PRICKLE1: variants seen among roughly 807,000 people sequenced by gnomAD.
PRICKLE1 encodes the protein prickle-like protein 1.
A neutral mutation model predicts 70.2 loss-of-function variants in PRICKLE1; 14 were observed. The observed-to-expected ratio is 0.20, with a 90% CI of 0.13 to 0.31. PRICKLE1 has a LOEUF of 0.31. Among genes scored for constraint, PRICKLE1 ranks in the 10% least tolerant of loss-of-function variants. PRICKLE1 has a pLI of 1.00. For missense variants in PRICKLE1, 821 were observed against 1,026.2 expected (o/e 0.80, Z 2.73); for synonymous variants, 357 against 379.9 (o/e 0.94, Z 0.70).
intron 1 of PRICKLE1, among the ~76,000 whole-genome samples, chr12:42,477,020 C>T (rs897742125): frequency 9.9e-5 from 15 of 152,070 alleles, no homozygotes; most frequent in South Asian, 2.1e-4. Context: ...GTATATCAGT[C>T]GGGTAAAGCA....
intron 1 of PRICKLE1, among the ~76,000 whole-genome samples, chr12:42,576,851 T>C (rs1299443898): frequency 6.6e-6 from 1 of 152,210 alleles, no homozygotes; most frequent in Non-Finnish European, 1.5e-5. Context: ...ATTACAATGC[T>C]ACTAAAAGGA....
chr12:42,469,993 T>C (rs993119400), intron 3 of PRICKLE1: 12 of 515,112 alleles, frequency 2.3e-5, no homozygotes, highest in Non-Finnish European at 4.2e-5. Context: ...TCTCAGGAAT[T>C]TGTAGGTTCC....
chr12:42,588,935 G>A (rs1289860593), intron 1 of PRICKLE1, among the ~76,000 whole-genome samples: 1 of 152,134 alleles, frequency 6.6e-6, no homozygotes, highest in Non-Finnish European at 1.5e-5. Flanking sequence ...CTATATCTGT[G>A]CTACATTCAG....
intron 1 of PRICKLE1, among the ~76,000 whole-genome samples, chr12:42,534,741 C>T (rs907060265): frequency 4.6e-5 from 7 of 152,054 alleles, no homozygotes; most frequent in Admixed American, 4.6e-4. Flanking sequence ...TCATTACCCC[C>T]ACAATGGTGG....
At chr12:42,587,409 A>G (rs1941001933) in intron 1 of PRICKLE1, among the ~76,000 whole-genome samples, 1 of 151,974 alleles carries the variant, frequency 6.6e-6, no homozygotes, top group Admixed American at 6.6e-5. Flanking sequence ...TACATTAGCC[A>G]TGACTTATTA....
chr12:42,458,440 T>G lies in PRICKLE1; in HGVS notation c.*1369A>C, dbSNP rs1937656984. 1 of 152,258 alleles carries G rather than the reference T, an allele frequency of 6.6e-6. No individual in the cohort carries two copies. Among genetic ancestry groups the G allele is most frequent in the Admixed American group, 6.5e-5 (1 of 15,288 alleles). The allele number at this position is 152,258 out of a possible 1,614,324, so 9.4% of individuals were successfully genotyped here. A position where few individuals can be genotyped will look rare whatever the true frequency, so the allele number is the denominator to read the frequency against. ...CCTTTAGTTAGGACTGAGATGTATA[T>G]GCAAGAGTGGCACATATCAAAATAT... On this transcript the variant is annotated 3_prime_UTR_variant, in exon 8 of 8. Coordinates refer to ENST00000345127, the MANE Select transcript of PRICKLE1 (RefSeq NM_153026.3).
chr12:42,578,364 T>G (rs930150062), intron 1 of PRICKLE1, among the ~76,000 whole-genome samples: 4 of 152,146 alleles, frequency 2.6e-5, no homozygotes, highest in African/African-American at 9.7e-5. Flanking sequence ...CACAAGCCTC[T>G]CTGAAGATTC....
chr12:42,586,504 C>A (rs897836056), intron 1 of PRICKLE1, among the ~76,000 whole-genome samples: 1 of 151,964 alleles, frequency 6.6e-6, no homozygotes, highest in Non-Finnish European at 1.5e-5. Flanking sequence ...CCAAGCACCA[C>A]TACATGTAGC....
chr12:42,560,354 G>A (rs934272509), intron 1 of PRICKLE1, among the ~76,000 whole-genome samples: 1 of 151,734 alleles, frequency 6.6e-6, no homozygotes, highest in Admixed American at 6.6e-5. Flanking sequence ...GGCTGGTCTC[G>A]AACTCCTGAC....
chr12:42,498,739 C>A (rs1392814831), intron 1 of PRICKLE1, among the ~76,000 whole-genome samples: 1 of 152,250 alleles, frequency 6.6e-6, no homozygotes, highest in African/African-American at 2.4e-5. Context: ...AGCTCTGTCT[C>A]CATCATTAGT....
chr12:42,589,693 G>T lies in PRICKLE1; in HGVS notation c.-277C>A. Reference sequence around the variant, plus strand: ...GCTGGCATGTTCCGGGCGCGCTGTCGGGCGGCGGCGGCCGCGGGAGACGGC... The same window carrying T: ...GCTGGCATGTTCCGGGCGCGCTGTCTGGCGGCGGCGGCCGCGGGAGACGGC... On this transcript the variant is annotated 5_prime_UTR_variant, in exon 1 of 8. Coordinates refer to ENST00000345127, the MANE Select transcript of PRICKLE1 (RefSeq NM_153026.3). The surrounding 1 kb of genome is among the most constrained non-coding windows in gnomAD (Gnocchi z 5.0). 1 of 151,372 alleles carries T rather than the reference G, an allele frequency of 6.6e-6. No individual in the cohort carries two copies. Among genetic ancestry groups the T allele is most frequent in the South Asian group, 2.1e-4 (1 of 4,852 alleles). The allele number at this position is 151,372 out of a possible 1,614,324, so 9.4% of individuals were successfully genotyped here.
chr12:42,560,854 A>T (rs1257825749), intron 1 of PRICKLE1, among the ~76,000 whole-genome samples: 1 of 151,978 alleles, frequency 6.6e-6, no homozygotes, highest in Non-Finnish European at 1.5e-5. Flanking sequence ...GAATTCTTAT[A>T]ATGTAATCAT....
intron 1 of PRICKLE1, among the ~76,000 whole-genome samples, chr12:42,550,828 AAG>A (rs1940302118): frequency 6.6e-6 from 1 of 152,244 alleles, no homozygotes; most frequent in Admixed American, 6.5e-5. Context: ...TAAAATTGTC[AAG>A]AGAGTTTCTC....
chr12:42,533,576 A>G (rs1939963336), intron 1 of PRICKLE1, among the ~76,000 whole-genome samples: 1 of 152,208 alleles, frequency 6.6e-6, no homozygotes, highest in Non-Finnish European at 1.5e-5. Flanking sequence ...AAGTCTAGAC[A>G]ACAGTCATAA....
At chr12:42,577,961 T>C (rs1180330544) in intron 1 of PRICKLE1, among the ~76,000 whole-genome samples, 1 of 152,166 alleles carries the variant, frequency 6.6e-6, no homozygotes, top group African/African-American at 2.4e-5. Flanking sequence ...GGAAGCTGCA[T>C]CTCGAACTAA....
At position 42,529,105 on chromosome 12, in the gene PRICKLE1, A is replaced by C. The variant is rs1939863297; in HGVS notation, c.-48-56541T>G. Among the ~76,000 whole-genome samples, 7 of 152,348 alleles carry C rather than the reference A, an allele frequency of 4.6e-5. No homozygotes were observed. The South Asian group carries it at 1.5e-3, about 32-fold the overall frequency. ...GCATTACACATGGAAACACTTACAA[A>C]ATTATACTAAGTAAATGACAGGCTT... On this transcript the variant is annotated intron_variant, in intron 1 of 7. Transcript: ENST00000345127.
At chr12:42,472,245 G>A in intron 2 of PRICKLE1, 140 bp downstream of exon 2, 2 of 977,476 alleles carry the variant, frequency 2.0e-6, no homozygotes, top group Non-Finnish European at 3.1e-6. Flanking sequence ...AAACTTCAAA[G>A]CCATACAAAG....
intron 1 of PRICKLE1, among the ~76,000 whole-genome samples, chr12:42,567,877 T>G (rs535296362): frequency 1.3e-5 from 2 of 151,302 alleles, no homozygotes; most frequent in South Asian, 4.2e-4. Context: ...TCTAAACACA[T>G]GTACATACAC....
At chr12:42,527,591 G>A (rs1939828144) in intron 1 of PRICKLE1, among the ~76,000 whole-genome samples, 2 of 152,130 alleles carry the variant, frequency 1.3e-5, no homozygotes, top group African/African-American at 4.8e-5. Flanking sequence ...TTTACTGGGA[G>A]CCCATCAAGA....
Sources: allele counts gnomAD v4.1 joint callset (sites outside exome capture counted in the v4.1 genomes callset), GRCh38; gene constraint gnomAD v4.1.1; non-coding constraint Gnocchi (gnomAD v3.1); transcripts MANE v1.5; gene names NCBI Gene and HGNC (gene_info 2026-07-23, HGNC 2026-07-21).